The following ZCCHC24 variants were observed in gnomAD, a reference collection of about 807,000 sequenced individuals.
The protein encoded by ZCCHC24 is zinc finger CCHC-type containing 24.
Under a neutral mutation model 26.2 loss-of-function variants are expected in ZCCHC24, and 10 were observed. The ratio of observed to expected loss-of-function variants is 0.38; its 90% CI spans 0.24 to 0.65. The LOEUF is 0.65. Ranked by LOEUF, ZCCHC24 falls within the 30% of genes least tolerant of loss-of-function variation. The pLI, the probability that ZCCHC24 is intolerant of heterozygous loss-of-function variation, is 0.54. For synonymous variants in ZCCHC24, 144 were observed against 147.1 expected (o/e 0.98, Z 0.15); for missense variants, 243 against 329.1 (o/e 0.74, Z 2.03).
chr10:79,406,532 C>A (rs1054180058), intron 2 of ZCCHC24, among the ~76,000 whole-genome samples: 1 of 152,188 alleles, frequency 6.6e-6, no homozygotes, highest in African/African-American at 2.4e-5. Context: ...GTGTTCTGTG[C>A]AGGAAGCTCT....
chr10:79,439,792 CAA>C (rs3997794), intron 1 of ZCCHC24, among the ~76,000 whole-genome samples: 130 of 116,032 alleles, frequency 1.1e-3, no homozygotes, highest in African/African-American at 9.0e-4. Context: ...CAGACTCCAT[CAA>C]AAAAAAAAAA....
At chr10:79,397,853 G>A (rs1211016846) in intron 2 of ZCCHC24, among the ~76,000 whole-genome samples, 2 of 152,198 alleles carry the variant, frequency 1.3e-5, no homozygotes, top group Non-Finnish European at 2.9e-5. Context: ...GAAGCGTGGG[G>A]ACTGGGGCCA....
At chr10:79,403,311 G>C (rs1166749273) in intron 2 of ZCCHC24, 1 of 850,200 alleles carries the variant, frequency 1.2e-6, no homozygotes, top group African/African-American at 1.8e-5. Flanking sequence ...TGAGGAAACT[G>C]AGGCTCGAGA....
In ZCCHC24 at chr10:79,393,364, C is replaced by A. The variant is rs190540293; in HGVS notation, c.612+912G>T. 1.9e-4 allele frequency among the ~76,000 whole-genome samples: 29 copies of A among 152,328 alleles called. No homozygotes were observed. The East Asian group carries it at 5.4e-3, about 28-fold the overall frequency. ...CCCAGGCTGCCCAGTTCAGGAACGA[C>A]CTCCTCTATCCATTCAGGTGCTCCA... On this transcript the variant is annotated intron_variant, in intron 3 of 3. Coordinates refer to ENST00000372336, the MANE Select transcript of ZCCHC24 (RefSeq NM_153367.4).
intron 3 of ZCCHC24, among the ~76,000 whole-genome samples, chr10:79,389,923 T>C (rs1231790916): frequency 6.6e-6 from 1 of 152,164 alleles, no homozygotes; most frequent in African/African-American, 2.4e-5. Context: ...GCTGACTGTC[T>C]TTTTTAGAGA....
chr10:79,404,412 G>T (rs564723745), intron 2 of ZCCHC24, among the ~76,000 whole-genome samples: 48 of 152,326 alleles, frequency 3.2e-4, no homozygotes, highest in Admixed American at 1.0e-3. Context: ...GAGCGGAGGG[G>T]CGGGAGGGGA....
intron 3 of ZCCHC24, among the ~76,000 whole-genome samples, chr10:79,390,184 T>G (rs934748556): frequency 6.6e-6 from 1 of 152,306 alleles, no homozygotes; most frequent in South Asian, 2.1e-4. Context: ...ATGATTGTCT[T>G]AAAGTATTTT....
intron 2 of ZCCHC24, among the ~76,000 whole-genome samples, chr10:79,419,051 G>C (rs1469846019): frequency 1.3e-5 from 2 of 152,240 alleles, no homozygotes; most frequent in Non-Finnish European, 2.9e-5. Context: ...GTGCACATAT[G>C]TGTCTGCGTG....
chr10:79,434,763 A>G (rs1589679027), intron 1 of ZCCHC24, among the ~76,000 whole-genome samples: 1 of 152,188 alleles, frequency 6.6e-6, no homozygotes, highest in African/African-American at 2.4e-5. Context: ...GACCATTTCA[A>G]TGATTTTTAA....
chr10:79,415,434 G>A (rs1163135381), intron 2 of ZCCHC24, among the ~76,000 whole-genome samples: 1 of 152,216 alleles, frequency 6.6e-6, no homozygotes, highest in Non-Finnish European at 1.5e-5. Flanking sequence ...TTAAGGGGAT[G>A]GAGTCTTCAG....
intron 3 of ZCCHC24, among the ~76,000 whole-genome samples, chr10:79,392,309 G>C (rs1336896598): frequency 9.2e-5 from 14 of 152,122 alleles, no homozygotes; most frequent in Non-Finnish European, 4.4e-5. Context: ...CTGGGATGCG[G>C]CTGGGTGGTC....
At chr10:79,441,896 C>G (rs1439636703) in intron 1 of ZCCHC24, among the ~76,000 whole-genome samples, 1 of 152,222 alleles carries the variant, frequency 6.6e-6, no homozygotes, top group Admixed American at 6.5e-5. Context: ...CAGGGACTAC[C>G]TGGCAGGGGC....
rs1236846951 is a variant in ZCCHC24 at position 79,445,127 on chromosome 10, G to A, written c.246+68C>T. The A allele has an allele frequency of 1.2e-5, 11 of 930,168 alleles. No individual in the cohort carries two copies. The East Asian group carries it at 3.0e-4, about 25-fold the overall frequency. The allele number at this position is 930,168 out of a possible 1,614,324, so 57.6% of individuals were successfully genotyped here. ...AGGCCAGGAAGAGCGGGTCAGACAG[G>A]GAACGGCCCGCCACGGTGGGGCGGT... On this transcript the variant is annotated intron_variant, in intron 1 of 3. Transcript: ENST00000372336.
intron 1 of ZCCHC24, among the ~76,000 whole-genome samples, chr10:79,433,214 G>C (rs1857160355): frequency 6.6e-6 from 1 of 152,218 alleles, no homozygotes; most frequent in Non-Finnish European, 1.5e-5. Flanking sequence ...GAAAGTCACT[G>C]CTGACTCAGT....
chr10:79,387,002 G>A (rs112464080), intron 3 of ZCCHC24, among the ~76,000 whole-genome samples: 12,321 of 152,178 alleles, frequency 0.081, 670 homozygotes, highest in Non-Finnish European at 0.12. Context: ...CTCTCCACTC[G>A]CAGCCCTGCT....
At chr10:79,432,834 C>T (rs530795378) in intron 1 of ZCCHC24, 76 bp from the exon 2 acceptor site, 1 of 1,472,554 alleles carries the variant, frequency 6.8e-7, no homozygotes, top group East Asian at 2.5e-5. Context: ...CAAACACACG[C>T]ATGGATTCAC....
At chr10:79,434,252 C>A (rs933158976) in intron 1 of ZCCHC24, among the ~76,000 whole-genome samples, 5 of 152,228 alleles carry the variant, frequency 3.3e-5, no homozygotes, top group African/African-American at 1.2e-4. Flanking sequence ...ATGGGTCCAA[C>A]TGACTGTAAC....
intron 3 of ZCCHC24, among the ~76,000 whole-genome samples, chr10:79,387,663 C>T (rs1029456208): frequency 6.6e-6 from 1 of 152,148 alleles, no homozygotes; most frequent in Non-Finnish European, 1.5e-5. Context: ...GACCATGGCC[C>T]GGATGACAGG....
At chr10:79,401,124 C>T (rs1757095131) in intron 2 of ZCCHC24, among the ~76,000 whole-genome samples, 1 of 152,212 alleles carries the variant, frequency 6.6e-6, no homozygotes, top group Non-Finnish European at 1.5e-5. Flanking sequence ...GCCCTGCACG[C>T]CAAGACTCCA....
Sources: allele counts gnomAD v4.1 joint callset (sites outside exome capture counted in the v4.1 genomes callset), GRCh38; gene constraint gnomAD v4.1.1; transcripts MANE v1.5; gene names NCBI Gene and HGNC (gene_info 2026-07-23, HGNC 2026-07-21).